The following GMDS variants were observed in gnomAD, a reference collection of about 807,000 sequenced individuals.
GMDS encodes the protein GDP-mannose 4,6 dehydratase.
Under a neutral mutation model 49.9 loss-of-function variants are expected in GMDS, and 20 were observed. The ratio of observed to expected loss-of-function variants is 0.40; its 90% confidence interval spans 0.28 to 0.58. The LOEUF (loss-of-function observed/expected upper bound fraction) is 0.58, where lower values mean the gene tolerates loss of function less well. GMDS is among the 20% of genes least tolerant of loss of function. GMDS has a pLI of 0.42. For synonymous variants in GMDS, 177 were observed against 178.6 expected (o/e 0.99, Z 0.07); for missense variants, 362 against 481.4 (o/e 0.75, Z 2.32).
At chr6:1,871,626 C>T (rs1045476015) in intron 7 of GMDS, among the ~76,000 whole-genome samples, 2 of 152,040 alleles carry the variant, frequency 1.3e-5, no homozygotes, top group East Asian at 1.9e-4. Flanking sequence ...AATAGAAAAA[C>T]GTAATGATCC....
At chr6:2,178,097 G>A (rs1778364965) in intron 1 of GMDS, among the ~76,000 whole-genome samples, 5 of 152,178 alleles carry the variant, frequency 3.3e-5, no homozygotes, top group Admixed American at 1.3e-4. Context: ...GGTATTCATG[G>A]ACCTAAAGAT....
intron 7 of GMDS, among the ~76,000 whole-genome samples, chr6:1,747,414 G>A (rs1029654779): frequency 6.6e-6 from 1 of 150,570 alleles, no homozygotes; most frequent in African/African-American, 2.5e-5. Context: ...TTTTCACCCT[G>A]GTGCTTTTGT....
At chr6:2,170,585 C>A (rs992859090) in intron 1 of GMDS, among the ~76,000 whole-genome samples, 1 of 151,540 alleles carries the variant, frequency 6.6e-6, no homozygotes. Context: ...TATGACTGCA[C>A]CACTGCATTC....
At chr6:1,748,945 C>G (rs1412537210) in intron 7 of GMDS, among the ~76,000 whole-genome samples, 1 of 152,182 alleles carries the variant, frequency 6.6e-6, no homozygotes, top group African/African-American at 2.4e-5. Flanking sequence ...CACTCACACT[C>G]AAGCATAGAT....
rs191300470 is a variant in GMDS, at chr6:1,809,984, T to G, written c.772-67398A>C. 1.3e-3 allele frequency among the ~76,000 whole-genome samples: 202 copies of G among 151,734 alleles called. 2 individuals carry two copies. Among genetic ancestry groups the G allele is most frequent in the African/African-American group, 4.7e-3 (194 of 41,278 alleles). The stretch of plus-strand genomic sequence containing the variant: ...GAGATAAACATTGGAGGGTTATTTT[T>G]AATAACCAATATTAATTCTTAAATG... On this transcript the variant is annotated intron_variant, in intron 7 of 10. Transcript: ENST00000380815.
intron 9 of GMDS, among the ~76,000 whole-genome samples, chr6:1,710,607 GT>G (rs1765917959): frequency 6.9e-6 from 1 of 145,054 alleles, no homozygotes; most frequent in South Asian, 2.1e-4. Flanking sequence ...CTTGGGAATG[GT>G]CCCCCTAGAC....
At chr6:1,972,225 T>C (rs1029596188) in intron 4 of GMDS, among the ~76,000 whole-genome samples, 2 of 151,342 alleles carry the variant, frequency 1.3e-5, no homozygotes, top group African/African-American at 4.8e-5. Flanking sequence ...GTTAAAATTA[T>C]TTAAAACAAA....
At chr6:1,909,162 GA>G (rs1296138803) in intron 7 of GMDS, among the ~76,000 whole-genome samples, 5 of 152,130 alleles carry the variant, frequency 3.3e-5, no homozygotes, top group African/African-American at 1.2e-4. Context: ...TTCAAACAAA[GA>G]CTTTACGGTT....
At chr6:1,924,668 A>C (rs756807526) in intron 7 of GMDS, among the ~76,000 whole-genome samples, 1 of 152,202 alleles carries the variant, frequency 6.6e-6, no homozygotes, top group African/African-American at 2.4e-5. Flanking sequence ...GGAACTCAAT[A>C]GAATACATGT....
chr6:1,910,364 A>G (rs1760989702), intron 7 of GMDS, among the ~76,000 whole-genome samples: 1 of 152,094 alleles, frequency 6.6e-6, no homozygotes, highest in Non-Finnish European at 1.5e-5. Flanking sequence ...TGTTTCACTG[A>G]GGGATTGTAC....
intron 6 of GMDS, among the ~76,000 whole-genome samples, chr6:1,939,947 T>C (rs1021926828): frequency 6.6e-6 from 1 of 152,210 alleles, no homozygotes; most frequent in African/African-American, 2.4e-5. Context: ...CACTAAGTCC[T>C]ACTAGGGACA....
At chr6:2,094,683 G>C (rs1048182184) in intron 4 of GMDS, among the ~76,000 whole-genome samples, 2 of 152,146 alleles carry the variant, frequency 1.3e-5, no homozygotes, top group African/African-American at 4.8e-5. Flanking sequence ...AGAATCAATG[G>C]TACAGAGACT....
chr6:2,224,835 A>T (rs1227810795), intron 1 of GMDS, among the ~76,000 whole-genome samples: 1 of 152,184 alleles, frequency 6.6e-6, no homozygotes, highest in Non-Finnish European at 1.5e-5. Context: ...AATATTTATT[A>T]ATATTATGTG....
At chr6:1,861,099 A>G (rs1373590615) in intron 7 of GMDS, among the ~76,000 whole-genome samples, 1 of 152,180 alleles carries the variant, frequency 6.6e-6, no homozygotes, top group East Asian at 1.9e-4. Context: ...CTGTTAAACT[A>G]CTAAGTAAGA....
At chr6:2,137,681 G>A (rs1776079078) in intron 1 of GMDS, among the ~76,000 whole-genome samples, 1 of 152,016 alleles carries the variant, frequency 6.6e-6, no homozygotes, top group East Asian at 1.9e-4. Flanking sequence ...GCCCCTTTTT[G>A]TTTCAACAAA....
chr6:1,651,970 G>A (rs1763665341), intron 9 of GMDS, among the ~76,000 whole-genome samples: 1 of 151,986 alleles, frequency 6.6e-6, no homozygotes, highest in African/African-American at 2.4e-5. Context: ...GGGAATGAAA[G>A]TTCCTTGTTT....
chr6:2,097,094 A>T (rs1773648349), intron 4 of GMDS, among the ~76,000 whole-genome samples: 1 of 152,100 alleles, frequency 6.6e-6, no homozygotes, highest in African/African-American at 2.4e-5. Flanking sequence ...AATATATTTG[A>T]AAAGAAAAAA....
At position 1,714,163 on chromosome 6, in the gene GMDS, G is replaced by T. The variant is rs561769367; in HGVS notation, c.987+12253C>A. Among the ~76,000 whole-genome samples, 3 of 152,054 alleles carry T rather than the reference G, an allele frequency of 2.0e-5. No homozygotes were observed. In the South Asian group the frequency reaches 6.2e-4, roughly 32 times the overall value. The stretch of plus-strand genomic sequence containing the variant: ...CTCCCAAGTAGCTGGGACTACAGGC[G>T]CCCACCACCACGCCCAGCTAATTTT... On this transcript the variant is annotated intron_variant, in intron 9 of 10. Coordinates refer to ENST00000380815, the MANE Select transcript of GMDS (RefSeq NM_001500.4).
At chr6:1,652,400 A>ATTATATAT (rs1951627627) in intron 9 of GMDS, among the ~76,000 whole-genome samples, 1 of 4,928 alleles carries the variant, frequency 2.0e-4, no homozygotes, top group African/African-American at 5.0e-4. Flanking sequence ...TATTATATAT[A>ATTATATAT]TATATATATT....
Sources: gnomAD v4.1 joint callset for allele counts (sites outside exome capture counted in the v4.1 genomes callset) on GRCh38, gnomAD v4.1.1 for gene constraint, MANE v1.5 for transcripts, NCBI Gene and HGNC (gene_info 2026-07-23, HGNC 2026-07-21) for gene names.